The following DLGAP2 variants were observed in gnomAD, a reference collection of about 807,000 sequenced individuals.
DLGAP2 encodes DLG associated protein 2.
DLGAP2 carries 26 observed loss-of-function variants against 100.3 expected under a neutral mutation model. That is an observed-to-expected ratio of 0.26 (90% confidence interval 0.19 to 0.36). The LOEUF (loss-of-function observed/expected upper bound fraction) is 0.36. DLGAP2 is among the 10% of genes least tolerant of loss of function. DLGAP2 has a pLI of 1.00. For synonymous variants in DLGAP2, 886 were observed against 630.1 expected (o/e 1.41, Z -6.08); for missense variants, 1,858 against 1,453.2 (o/e 1.28, Z -4.53).
intron 2 of DLGAP2, among the ~76,000 whole-genome samples, chr8:1,173,417 C>G (rs1202447156): frequency 6.6e-6 from 1 of 152,196 alleles, no homozygotes; most frequent in Non-Finnish European, 1.5e-5. Context: ...TCAAAGCTGT[C>G]AGACAGGGAC....
rs1469761113 is a variant in DLGAP2 at position 1,708,052 on chromosome 8, G to C, written c.*6646G>C. Reference sequence around the variant, plus strand: ...TGGTCATTCCTTTAAGGCAGTTAAGGATTGCTTTATTTGTGTTCTTTTTTC... The same window carrying C: ...TGGTCATTCCTTTAAGGCAGTTAAGCATTGCTTTATTTGTGTTCTTTTTTC... On this transcript the variant is annotated 3_prime_UTR_variant, in exon 15 of 15. Coordinates refer to ENST00000637795, the MANE Select transcript of DLGAP2 (RefSeq NM_001346810.2). 6.6e-6 allele frequency: 1 copy of C among 152,396 alleles called. No individual in the cohort carries two copies. Among genetic ancestry groups the C allele is most frequent in the African/African-American group, 2.4e-5 (1 of 41,412 alleles). 9.4% of individuals were successfully genotyped at this position (152,396 alleles called of 1,614,324 possible).
chr8:944,711 G>T (rs1799274740), intron 2 of DLGAP2, among the ~76,000 whole-genome samples: 1 of 151,452 alleles, frequency 6.6e-6, no homozygotes, highest in African/African-American at 2.4e-5. Context: ...ACTTTGTGCA[G>T]GTGATCCAGT....
chr8:1,160,235 G>A (rs1426740141), intron 2 of DLGAP2, among the ~76,000 whole-genome samples: 1 of 152,240 alleles, frequency 6.6e-6, no homozygotes, highest in African/African-American at 2.4e-5. Context: ...CAGTTTTTCA[G>A]CTGGGTGGGG....
chr8:1,357,804 A>G (rs1222698846), intron 3 of DLGAP2, among the ~76,000 whole-genome samples: 23 of 152,178 alleles, frequency 1.5e-4, no homozygotes, highest in Admixed American at 9.2e-4. Flanking sequence ...CTCTTCAGAC[A>G]TACGCTGGGG....
intron 2 of DLGAP2, among the ~76,000 whole-genome samples, chr8:1,238,936 TGC>T (rs200996307): frequency 3.1e-4 from 2 of 6,520 alleles, no homozygotes; most frequent in Admixed American, 1.0e-3. Context: ...TCTAGTTCTC[TGC>T]CACATGGCGC....
intron 2 of DLGAP2, among the ~76,000 whole-genome samples, chr8:1,145,924 C>T (rs1395689666): frequency 6.6e-6 from 1 of 151,658 alleles, no homozygotes; most frequent in Non-Finnish European, 1.5e-5. Context: ...TCATCCATGT[C>T]CCTACAAAGG....
chr8:1,343,657 C>G (rs568187905), intron 3 of DLGAP2, among the ~76,000 whole-genome samples: 1 of 152,016 alleles, frequency 6.6e-6, no homozygotes, highest in Admixed American at 6.6e-5. Flanking sequence ...TTGATAAAAA[C>G]AGGGAAATGG....
At chr8:1,248,805 T>C (rs139603385) in intron 2 of DLGAP2, 2,171 of 152,606 alleles carry the variant, frequency 0.014, 33 homozygotes, top group South Asian at 0.069. Flanking sequence ...GGGTCCGGAC[T>C]GCGGGAAGTG....
intron 2 of DLGAP2, among the ~76,000 whole-genome samples, chr8:989,047 G>T (rs959754626): frequency 1.3e-5 from 2 of 152,194 alleles, no homozygotes; most frequent in Non-Finnish European, 2.9e-5. Flanking sequence ...GGGCTCTCCA[G>T]GTTGGCCAGG....
intron 6 of DLGAP2, among the ~76,000 whole-genome samples, chr8:1,566,611 G>T (rs149921667): frequency 6.6e-6 from 1 of 152,156 alleles, no homozygotes; most frequent in African/African-American, 2.4e-5. Context: ...AAGTGGATAG[G>T]CAGGGCGGAA....
At chr8:1,468,110 G>A (rs181549792) in intron 3 of DLGAP2, among the ~76,000 whole-genome samples, 1 of 152,348 alleles carries the variant, frequency 6.6e-6, no homozygotes, top group Admixed American at 6.5e-5. Context: ...CGTGGACCCA[G>A]GGTCACAGGA....
chr8:1,681,175 A>C (rs935036142), intron 12 of DLGAP2, among the ~76,000 whole-genome samples: 1 of 152,208 alleles, frequency 6.6e-6, no homozygotes, highest in Admixed American at 6.5e-5. Flanking sequence ...ACATTCAGAA[A>C]GTTGTAGTCT....
intron 2 of DLGAP2, chr8:1,019,393 C>A (rs1168737067): frequency 6.6e-6 from 1 of 151,976 alleles, no homozygotes; most frequent in Non-Finnish European, 1.5e-5. Flanking sequence ...TGGCAACTCA[C>A]AAAGCAAGAT....
At chr8:927,207 C>G (rs576618252) in intron 2 of DLGAP2, 2 of 985,222 alleles carry the variant, frequency 2.0e-6, no homozygotes, top group South Asian at 9.4e-5. Context: ...AAGGTAAGAA[C>G]GCTGTTTATA....
chr8:803,797 T>C (rs944539857), intron 1 of DLGAP2, among the ~76,000 whole-genome samples: 1 of 152,224 alleles, frequency 6.6e-6, no homozygotes, highest in African/African-American at 2.4e-5. Context: ...TATGCTAAAA[T>C]CATGAGCATA....
chr8:826,670 C>G (rs1044243944), intron 1 of DLGAP2, among the ~76,000 whole-genome samples: 31 of 152,108 alleles, frequency 2.0e-4, no homozygotes. Context: ...TCCCGCGCCC[C>G]CTCTCGCAGC....
chr8:1,314,708 C>A (rs1029054165), intron 3 of DLGAP2, among the ~76,000 whole-genome samples: 7 of 152,302 alleles, frequency 4.6e-5, no homozygotes, highest in East Asian at 1.9e-4. Flanking sequence ...CCACCCCTAT[C>A]CGCCTCCTGC....
At chr8:862,425 C>T (rs904087829) in intron 1 of DLGAP2, among the ~76,000 whole-genome samples, 1 of 152,020 alleles carries the variant, frequency 6.6e-6, no homozygotes, top group African/African-American at 2.4e-5. Context: ...GCCTCAGCCT[C>T]CCGAGTAGCT....
At chr8:1,329,138 A>T (rs776768595) in intron 3 of DLGAP2, among the ~76,000 whole-genome samples, 1 of 152,252 alleles carries the variant, frequency 6.6e-6, no homozygotes, top group Non-Finnish European at 1.5e-5. Flanking sequence ...ATTCAAATGT[A>T]TGCACCAAAC....
Sources: gnomAD v4.1 joint callset for allele counts (sites outside exome capture counted in the v4.1 genomes callset) on GRCh38, gnomAD v4.1.1 for gene constraint, MANE v1.5 for transcripts, NCBI Gene and HGNC (gene_info 2026-07-23, HGNC 2026-07-21) for gene names.